NMS: variants seen among roughly 807,000 people sequenced by gnomAD.
The protein encoded by NMS is neuromedin-S.
Under a neutral mutation model 32.2 loss-of-function variants are expected in NMS, and 30 were observed. The ratio of observed to expected loss-of-function variants is 0.93; its 90% CI spans 0.70 to 1.26. The LOEUF (loss-of-function observed/expected upper bound fraction) is 1.26, where lower values mean the gene tolerates loss of function less well. NMS is among the 50% of genes most tolerant of loss of function. The pLI is 0.00. For missense variants in NMS, 190 were observed against 186.3 expected, an observed-to-expected ratio of 1.02 and a Z score of -0.12; for synonymous variants, 76 against 58.5, an observed-to-expected ratio of 1.30 and a Z score of -1.37.
intron 3 of NMS, among the ~76,000 whole-genome samples, chr2:100,474,802 T>C (rs537977407): frequency 3.5e-4 from 54 of 152,382 alleles, no homozygotes; most frequent in African/African-American, 1.3e-3. Flanking sequence ...TTTCTTCTTA[T>C]TTTTGGTTTA....
intron 3 of NMS, among the ~76,000 whole-genome samples, chr2:100,475,754 C>A (rs1360749462): frequency 6.6e-6 from 1 of 151,850 alleles, no homozygotes. Context: ...AATCCCAGAA[C>A]TTTGGGAGGC....
Position 100,473,508 on chromosome 2 carries a change from G to C in NMS, c.152G>C (p.Ser51Thr). The part of the protein sequence containing the change: ...VQLEQLAYCL[S>T]QWAPLSRQPK... ...TTTTAGCAGCTGGCATATTGTCTGA[G>C]TCAGTGGGCACCTCTTTCTCGCCAA... Residue 51 changes from serine to threonine, a missense_variant, in exon 3 of 10, where the codon AGT (serine) becomes ACT (threonine). Transcript: ENST00000376865. The C allele has an allele frequency of 6.7e-7, 1 of 1,481,816 alleles. No individual in the cohort carries two copies. Among genetic ancestry groups the C allele is most frequent in the Non-Finnish European group, 9.0e-7 (1 of 1,105,406 alleles). The allele number at this position is 1,481,816 out of a possible 1,614,324, so 91.8% of individuals were successfully genotyped here. A position where few individuals can be genotyped will look rare whatever the true frequency, so the allele number is the denominator to read the frequency against.
chr2:100,479,456 T>C (rs906451553), intron 6 of NMS, 29 bp downstream of exon 6: 1 of 1,579,884 alleles, frequency 6.3e-7, no homozygotes. Flanking sequence ...CCACCATAGT[T>C]TATGCCCCTC....
At chr2:100,472,307 C>T (rs918848055) in intron 1 of NMS, among the ~76,000 whole-genome samples, 7 of 152,222 alleles carry the variant, frequency 4.6e-5, no homozygotes, top group African/African-American at 1.4e-4. Flanking sequence ...CAGGGTCCAG[C>T]TGCATGCCAG....
intron 3 of NMS, among the ~76,000 whole-genome samples, chr2:100,474,374 A>C (rs1196482236): frequency 6.6e-6 from 1 of 152,098 alleles, no homozygotes; most frequent in Non-Finnish European, 1.5e-5. Flanking sequence ...AGCCACAGTG[A>C]ATCTATCAGT....
At position 100,479,335 on chromosome 2, in the gene NMS, C is replaced by T. The variant is rs762175495; in HGVS notation, c.262-18C>T. The stretch of plus-strand genomic sequence containing the variant: ...GGATGTCCCCCTGTCTGACCCTCTC[C>T]GCGCCTGTCTGTTGCAGTTTCCTCC... On this transcript the variant is annotated intron_variant, in intron 5 of 9. Transcript: ENST00000376865. 1.8e-5 allele frequency: 29 copies of T among 1,598,076 alleles called. No individual in the cohort carries two copies. The South Asian group carries it at 2.1e-4, about 12-fold the overall frequency.
chr2:100,479,318 C>T, intron 5 of NMS, 35 bp from the exon 6 acceptor site: 4 of 1,543,972 alleles, frequency 2.6e-6, no homozygotes, highest in Non-Finnish European at 3.5e-6. Context: ...GTGGATGTCC[C>T]CCTGTCTGAC....
At chr2:100,482,427 A>T (rs1241020477) in intron 9 of NMS, 116 bp downstream of exon 9, 3 of 927,114 alleles carry the variant, frequency 3.2e-6, no homozygotes, top group African/African-American at 3.3e-5. Flanking sequence ...AGAAATGAGG[A>T]CCCTTCATAA....
At chr2:100,471,536 C>T (rs369378238) in intron 1 of NMS, among the ~76,000 whole-genome samples, 7 of 152,278 alleles carry the variant, frequency 4.6e-5, no homozygotes, top group African/African-American at 1.4e-4. Context: ...CTCTTTGCTC[C>T]AGTAGAGTCC....
intron 5 of NMS, among the ~76,000 whole-genome samples, chr2:100,478,948 A>T (rs1296483475): frequency 6.6e-6 from 1 of 152,194 alleles, no homozygotes; most frequent in African/African-American, 2.4e-5. Flanking sequence ...AAGATTAGGA[A>T]ATCAGAAGTG....
At chr2:100,472,659 T>A in intron 1 of NMS, 136 bp from the exon 2 acceptor site, 1 of 580,462 alleles carries the variant, frequency 1.7e-6, no homozygotes, top group Non-Finnish European at 3.0e-6. Context: ...GATCTTACTT[T>A]CCCACTGACC....
rs373295571 is a variant in NMS, at chr2:100,483,229, G to C, written c.450-23G>C. The C allele has an allele frequency of 5.6e-6, 9 of 1,608,950 alleles. No homozygotes were observed. In the African/African-American group the frequency reaches 1.2e-4, roughly 22 times the overall value. ...CCGAGAATGATTTGAACTGAGCAGTGCATTTTTCTTTTCTTTTTTTAGGAT... is the reference window on the plus strand; with the variant it reads ...CCGAGAATGATTTGAACTGAGCAGTCCATTTTTCTTTTCTTTTTTTAGGAT... On this transcript the variant is annotated intron_variant, in intron 9 of 9. Transcript: ENST00000376865.
intron 6 of NMS, among the ~76,000 whole-genome samples, chr2:100,480,072 G>T (rs1677187575): frequency 6.6e-6 from 1 of 152,184 alleles, no homozygotes; most frequent in Non-Finnish European, 1.5e-5. Context: ...CTGGGCACCA[G>T]CAGCAGTTTG....
intron 8 of NMS, 120 bp from the exon 9 acceptor site, chr2:100,482,157 G>T (rs1236258303): frequency 1.1e-6 from 1 of 950,912 alleles, no homozygotes; most frequent in Non-Finnish European, 1.7e-6. Flanking sequence ...CCATGGAGGG[G>T]AGTGAAGTCC....
intron 2 of NMS, 120 bp from the exon 3 acceptor site, chr2:100,473,369 C>T (rs189129663): frequency 5.2e-5 from 20 of 383,572 alleles, no homozygotes; most frequent in African/African-American, 4.2e-4. Flanking sequence ...AGTCACTCTA[C>T]TGAATTATCA....
rs529151356 is a variant in NMS, at chr2:100,475,917, T to C, written c.184-1327T>C. The stretch of plus-strand genomic sequence containing the variant: ...AGGAGGCTGAGGCAGGAGAATCGCT[T>C]GAACCTGGGAGGTGGAGGCTGCAGT... On this transcript the variant is annotated intron_variant, in intron 3 of 9. Coordinates refer to ENST00000376865, the MANE Select transcript of NMS (RefSeq NM_001011717.1). Among the ~76,000 whole-genome samples, 5 of 149,594 alleles carry C rather than the reference T, an allele frequency of 3.3e-5. No homozygotes were observed. In the South Asian group the frequency reaches 1.1e-3, roughly 32 times the overall value.
intron 3 of NMS, among the ~76,000 whole-genome samples, chr2:100,474,321 T>C (rs1467961338): frequency 1.3e-5 from 2 of 151,412 alleles, no homozygotes; most frequent in African/African-American, 4.9e-5. Context: ...GAGCCACATC[T>C]CTTTATCCCT....
chr2:100,476,923 T>G (rs1677121500), intron 3 of NMS, among the ~76,000 whole-genome samples: 1 of 152,202 alleles, frequency 6.6e-6, no homozygotes, highest in Non-Finnish European at 1.5e-5. Context: ...ATAGTTAGTT[T>G]ATTCCACCTG....
chr2:100,481,105 T>A (rs1677207774), intron 7 of NMS, 21 bp from the exon 8 acceptor site: 4 of 1,613,584 alleles, frequency 2.5e-6, no homozygotes, highest in African/African-American at 2.7e-5. Flanking sequence ...GCATAATGGC[T>A]TGTGTTTCTA....
Sources: gnomAD v4.1 joint callset for allele counts (sites outside exome capture counted in the v4.1 genomes callset) on GRCh38, gnomAD v4.1.1 for gene constraint, MANE v1.5 for transcripts, NCBI Gene and HGNC (gene_info 2026-07-23, HGNC 2026-07-21) for gene names.